The following CDH12 variants were observed in gnomAD, a reference collection of about 807,000 sequenced individuals.
CDH12 encodes cadherin 12, also known as cadherin-12.
CDH12 carries 41 observed loss-of-function variants against 74.1 expected under a neutral mutation model. The ratio of observed to expected loss-of-function variants is 0.55; its 90% confidence interval spans 0.43 to 0.72. The LOEUF (loss-of-function observed/expected upper bound fraction) is 0.72, where lower values mean the gene tolerates loss of function less well. CDH12 is among the 30% of genes least tolerant of loss of function. CDH12 has a pLI of 0.00. For missense variants in CDH12, 945 were observed against 977.2 expected (o/e 0.97, Z 0.44); for synonymous variants, 399 against 355.0 (o/e 1.12, Z -1.39).
At chr5:22,763,335 A>G (rs2127059250) in intron 1 of CDH12, among the ~76,000 whole-genome samples, 1 of 152,124 alleles carries the variant, frequency 6.6e-6, no homozygotes, top group East Asian at 1.9e-4. Context: ...ATCAGAAACT[A>G]TCATTATCAC....
At chr5:22,846,074 T>A (rs1328747055) in intron 1 of CDH12, among the ~76,000 whole-genome samples, 2 of 152,126 alleles carry the variant, frequency 1.3e-5, no homozygotes, top group Non-Finnish European at 2.9e-5. Flanking sequence ...ATTGATATTG[T>A]ACCACATGTG....
chr5:21,889,776 T>C (rs1579916403), intron 6 of CDH12: 1 of 984,574 alleles, frequency 1.0e-6, no homozygotes, highest in African/African-American at 1.7e-5. Flanking sequence ...AGTAACCATG[T>C]CCATAAAAGC....
intron 3 of CDH12, among the ~76,000 whole-genome samples, chr5:22,396,205 A>C (rs1742450437): frequency 6.6e-6 from 1 of 152,068 alleles, no homozygotes; most frequent in South Asian, 2.1e-4. Flanking sequence ...AAAAATAAGC[A>C]ATTTTTTCTG....
intron 2 of CDH12, among the ~76,000 whole-genome samples, chr5:22,454,263 G>T (rs1300060445): frequency 6.6e-6 from 1 of 152,098 alleles, no homozygotes; most frequent in African/African-American, 2.4e-5. Context: ...CTAACAATTA[G>T]TCTTTCGTAT....
intron 2 of CDH12, among the ~76,000 whole-genome samples, chr5:22,435,170 G>T (rs1469000264): frequency 6.6e-6 from 1 of 152,092 alleles, no homozygotes; most frequent in East Asian, 1.9e-4. Context: ...TCAGCTGCCA[G>T]TGTGGCCAGA....
At chr5:22,256,081 A>G (rs1280480399) in intron 3 of CDH12, among the ~76,000 whole-genome samples, 2 of 152,168 alleles carry the variant, frequency 1.3e-5, no homozygotes, top group African/African-American at 4.8e-5. Flanking sequence ...GGAAACTGAG[A>G]TGCATATTTG....
chr5:22,832,992 T>C (rs1442059881), intron 1 of CDH12, among the ~76,000 whole-genome samples: 1 of 152,174 alleles, frequency 6.6e-6, no homozygotes, highest in Admixed American at 6.5e-5. Context: ...AATTCAAAAT[T>C]TTCTCTTAAA....
At chr5:22,301,029 C>T (rs915008395) in intron 3 of CDH12, among the ~76,000 whole-genome samples, 1 of 149,524 alleles carries the variant, frequency 6.7e-6, no homozygotes, top group Non-Finnish European at 1.5e-5. Flanking sequence ...TAAAATAATA[C>T]AGTTCATTTC....
At chr5:22,218,139 T>C (rs1225768468) in intron 3 of CDH12, among the ~76,000 whole-genome samples, 17 of 151,718 alleles carry the variant, frequency 1.1e-4, no homozygotes, top group Admixed American at 1.1e-3. Context: ...TAAAACACTG[T>C]TCATGGGAAT....
chr5:22,029,859 A>G (rs1274139500), intron 5 of CDH12, among the ~76,000 whole-genome samples: 2 of 151,866 alleles, frequency 1.3e-5, no homozygotes, highest in Admixed American at 6.6e-5. Flanking sequence ...ACTTGGAACC[A>G]ACCCAAATGT....
chr5:22,423,655 A>G (rs972544264), intron 2 of CDH12, among the ~76,000 whole-genome samples: 6 of 152,174 alleles, frequency 3.9e-5, no homozygotes, highest in Non-Finnish European at 7.3e-5. Context: ...AGAGATTATG[A>G]GATCCCAAAC....
intron 9 of CDH12, among the ~76,000 whole-genome samples, chr5:21,805,436 CT>C (rs755936713): frequency 2.0e-5 from 3 of 152,096 alleles, no homozygotes; most frequent in Non-Finnish European, 2.9e-5. Flanking sequence ...AGGCAAATAT[CT>C]GGTTGTTAGG....
intron 1 of CDH12, among the ~76,000 whole-genome samples, chr5:22,529,206 G>A (rs1243150554): frequency 6.7e-6 from 1 of 148,176 alleles, no homozygotes; most frequent in Admixed American, 6.8e-5. Context: ...GAGAGAGAGA[G>A]AGAGAGAGAG....
At chr5:22,254,308 A>G (rs148020894) in intron 3 of CDH12, among the ~76,000 whole-genome samples, 1 of 151,878 alleles carries the variant, frequency 6.6e-6, no homozygotes, top group Non-Finnish European at 1.5e-5. Context: ...GTGGGGGATA[A>G]GAAATAGTAA....
intron 1 of CDH12, among the ~76,000 whole-genome samples, chr5:22,658,300 T>C (rs1479999606): frequency 2.6e-5 from 4 of 152,054 alleles, no homozygotes; most frequent in African/African-American, 9.7e-5. Flanking sequence ...ATATACACAA[T>C]TCTACACCTG....
chr5:21,865,195 G>A (rs1751262166), intron 6 of CDH12, among the ~76,000 whole-genome samples: 1 of 152,108 alleles, frequency 6.6e-6, no homozygotes, highest in African/African-American at 2.4e-5. Context: ...TGTGCTGCAT[G>A]GCTTCTTTAA....
chr5:22,241,909 G>A (rs1752763795), intron 3 of CDH12, among the ~76,000 whole-genome samples: 1 of 151,874 alleles, frequency 6.6e-6, no homozygotes, highest in Non-Finnish European at 1.5e-5. Context: ...GTTTTTGAAG[G>A]TCATTATAAA....
chr5:22,606,853 G>A (rs1298653856), intron 1 of CDH12, among the ~76,000 whole-genome samples: 1 of 152,174 alleles, frequency 6.6e-6, no homozygotes, highest in African/African-American at 2.4e-5. Flanking sequence ...ATGTGGGAAT[G>A]TTTTGAACTT....
intron 1 of CDH12, among the ~76,000 whole-genome samples, chr5:22,539,569 C>A (rs1411401139): frequency 6.6e-6 from 1 of 152,044 alleles, no homozygotes; most frequent in Non-Finnish European, 1.5e-5. Context: ...TCTGTGCTGT[C>A]GAGATGATGT....
Sources: allele counts gnomAD v4.1 joint callset (sites outside exome capture counted in the v4.1 genomes callset), GRCh38; gene constraint gnomAD v4.1.1; transcripts MANE v1.5; gene names NCBI Gene and HGNC (gene_info 2026-07-23, HGNC 2026-07-21).